Variants in TANC1 observed in about 807,000 individuals in gnomAD.
TANC1 encodes protein TANC1.
TANC1 carries 77 observed loss-of-function variants against 149.7 expected under a neutral mutation model. The observed-to-expected ratio is 0.51, with a 90% CI of 0.43 to 0.62. The LOEUF (loss-of-function observed/expected upper bound fraction) is 0.62. TANC1 is among the 20% of genes least tolerant of loss of function. TANC1 has a pLI of 0.00. For missense variants in TANC1, 1,985 were observed against 2,321.8 expected (o/e 0.85, Z 2.98); for synonymous variants, 854 against 925.0 (o/e 0.92, Z 1.39).
chr2:159,210,862 T>C (rs1187529950), intron 19 of TANC1, among the ~76,000 whole-genome samples: 13 of 136,710 alleles, frequency 9.5e-5, no homozygotes, highest in African/African-American at 3.6e-4. Context: ...TGAGCCACCA[T>C]GCCTGATCTT....
intron 2 of TANC1, among the ~76,000 whole-genome samples, chr2:159,034,960 C>A (rs1196576628): frequency 6.6e-6 from 1 of 152,118 alleles, no homozygotes; most frequent in Non-Finnish European, 1.5e-5. Flanking sequence ...GCTGCAGAAC[C>A]CTTTACAGCT....
Position 159,176,438 on chromosome 2 carries a change from C to T in TANC1, c.1822C>T (p.Leu608Phe), listed in dbSNP as rs1417396843. The change falls in exon 13 of 27, where the codon CTT (leucine) becomes TTT (phenylalanine). Residue 608 changes from leucine to phenylalanine, a missense_variant. Physicochemically the swap from Leu to Phe is conservative, Grantham distance 22 (BLOSUM62 0). Transcript: ENST00000263635. ...EFHKPDYGDT[L>F]SSFITKIISK... ...TCATAAACCTGATTATGGAGATACG[C>T]TTTCTTCATTTATTACCAAAATTAT... The T allele has an allele frequency of 3.1e-6, 5 of 1,594,498 alleles. No individual in the cohort carries two copies. The highest frequency in any genetic ancestry group is 4.3e-6 in the Non-Finnish European group (5 of 1,168,844).
rs115774948 is a variant in TANC1 at position 159,127,920 on chromosome 2, A to G, written c.260-8274A>G. On this transcript the variant is annotated intron_variant, in intron 4 of 26. Coordinates refer to ENST00000263635, the MANE Select transcript of TANC1 (RefSeq NM_033394.3). The stretch of plus-strand genomic sequence containing the variant: ...GTTTGATATACTGTTTTCCTACCAG[A>G]TTGTGAACATTTACATCCTCACAAT... Among the ~76,000 whole-genome samples the G allele has an allele frequency of 1.9e-3, 291 of 152,378 alleles. 1 individual carries two copies. Among genetic ancestry groups the G allele is most frequent in the African/African-American group, 6.5e-3 (269 of 41,588 alleles).
intron 3 of TANC1, among the ~76,000 whole-genome samples, chr2:159,096,150 T>TGA (rs2046103578): frequency 6.6e-6 from 1 of 152,152 alleles, no homozygotes; most frequent in African/African-American, 2.4e-5. Flanking sequence ...GAAGATGCTT[T>TGA]TTAAGAAGCA....
intron 13 of TANC1, among the ~76,000 whole-genome samples, chr2:159,177,811 G>T (rs1197170029): frequency 6.6e-6 from 1 of 152,220 alleles, no homozygotes; most frequent in African/African-American, 2.4e-5. Context: ...TCTTTGGAAT[G>T]GGGAAGAGAT....
intron 2 of TANC1, among the ~76,000 whole-genome samples, chr2:159,012,168 A>G (rs746455429): frequency 4.6e-5 from 7 of 152,216 alleles, no homozygotes; most frequent in Non-Finnish European, 1.0e-4. Context: ...CATCATTCAG[A>G]ATAAATTATT....
intron 4 of TANC1, among the ~76,000 whole-genome samples, chr2:159,110,037 C>G (rs1475621475): frequency 1.3e-5 from 2 of 152,208 alleles, no homozygotes; most frequent in Middle Eastern, 3.2e-3. Context: ...GTTTTGCTGT[C>G]ATACCTCAAA....
At chr2:159,007,463 T>C (rs1219160830) in intron 2 of TANC1, among the ~76,000 whole-genome samples, 1 of 152,186 alleles carries the variant, frequency 6.6e-6, no homozygotes, top group South Asian at 2.1e-4. Flanking sequence ...GTGTTTTTAC[T>C]GTCCCCTTTC....
intron 4 of TANC1, among the ~76,000 whole-genome samples, chr2:159,102,854 G>C (rs1329149742): frequency 3.2e-5 from 3 of 93,610 alleles, no homozygotes; most frequent in African/African-American, 3.2e-5. Flanking sequence ...GAGTAGCTGG[G>C]ACTACAGGCA....
At chr2:159,039,651 T>C (rs1268579730) in intron 2 of TANC1, among the ~76,000 whole-genome samples, 1 of 152,246 alleles carries the variant, frequency 6.6e-6, no homozygotes, top group Non-Finnish European at 1.5e-5. Context: ...TTCCATGTAG[T>C]TGTGCAGTTT....
chr2:159,201,523 C>T (rs2058248930), intron 19 of TANC1, among the ~76,000 whole-genome samples: 1 of 152,170 alleles, frequency 6.6e-6, no homozygotes, highest in Non-Finnish European at 1.5e-5. Context: ...TGCATTGTTG[C>T]TCGTTGCTAT....
chr2:159,178,895 C>A lies in TANC1; in HGVS notation c.2242C>A (p.Gln748Lys). The A allele has an allele frequency of 1.2e-6, 2 of 1,614,230 alleles. No homozygotes were observed. Among genetic ancestry groups the A allele is most frequent in the African/African-American group, 1.3e-5 (1 of 75,058 alleles). ...LLQCNMKFMT[Q>K]SAFERALPIL... is the part of the protein sequence containing the mutation. ...TCAGTGCAACATGAAGTTCATGACC[C>A]AGTCCGCCTTTGAGAGGGCACTTCC... Residue 748 changes from glutamine to lysine, a missense_variant, in exon 14 of 27, where the codon CAG becomes AAG. Physicochemically the swap from Gln to Lys is moderately conservative, Grantham distance 53 (BLOSUM62 1). Coordinates refer to ENST00000263635, the MANE Select transcript of TANC1 (RefSeq NM_033394.3).
intron 1 of TANC1, among the ~76,000 whole-genome samples, chr2:158,973,421 C>G (rs901161866): frequency 6.6e-6 from 1 of 152,086 alleles, no homozygotes; most frequent in Non-Finnish European, 1.5e-5. Flanking sequence ...TGCATGTATA[C>G]CCATGCAAAA....
chr2:159,137,659 C>T (rs1418251972), intron 5 of TANC1, among the ~76,000 whole-genome samples: 4 of 152,136 alleles, frequency 2.6e-5, no homozygotes, highest in African/African-American at 4.8e-5. Context: ...TCTCTCTCCT[C>T]GGTGTCCTGA....
In TANC1 at chr2:159,217,609, A is replaced by G. The variant is rs751700257; in HGVS notation, c.3357A>G (p.Ala1119=). 99 of 1,614,084 alleles carry G rather than the reference A, an allele frequency of 6.1e-5. No individual in the cohort carries two copies. The South Asian group carries it at 1.0e-3, about 16-fold the overall frequency. The change falls in exon 20 of 27, where the codon GCA becomes GCG. Residue 1119 remains alanine (A), a synonymous_variant. Transcript: ENST00000263635. ...NRRGVPPLFC[A]ARQGHWQIVR... ...GAGGGGTTCCACCTTTGTTTTGTGCAGCACGCCAGGGGCATTGGCAGGTAC... is the reference window on the plus strand; with the variant it reads ...GAGGGGTTCCACCTTTGTTTTGTGCGGCACGCCAGGGGCATTGGCAGGTAC...
At chr2:159,228,330 T>C (rs1043754726) in intron 25 of TANC1, 1 of 279,364 alleles carries the variant, frequency 3.6e-6, no homozygotes, top group Non-Finnish European at 6.7e-6. Flanking sequence ...CTGTGTTAGG[T>C]TTGCTCAGAG....
intron 2 of TANC1, among the ~76,000 whole-genome samples, chr2:159,017,158 CAG>C (rs951996601): frequency 6.6e-5 from 10 of 152,082 alleles, no homozygotes; most frequent in Admixed American, 2.0e-4. Flanking sequence ...GGCGCCCTAA[CAG>C]GGGAAAATGA....
At chr2:159,188,623 G>A (rs1309611693) in intron 16 of TANC1, among the ~76,000 whole-genome samples, 2 of 152,248 alleles carry the variant, frequency 1.3e-5, no homozygotes, top group African/African-American at 2.4e-5. Flanking sequence ...ACTTCCCTTG[G>A]CCGGGAGATC....
chr2:159,037,240 C>G (rs2040263299), intron 2 of TANC1, among the ~76,000 whole-genome samples: 1 of 152,084 alleles, frequency 6.6e-6, no homozygotes, highest in South Asian at 2.1e-4. Context: ...TGCTTAAGTT[C>G]TTTGTAGATT....
Sources: allele counts gnomAD v4.1 joint callset (sites outside exome capture counted in the v4.1 genomes callset), GRCh38; gene constraint gnomAD v4.1.1; transcripts MANE v1.5; gene names NCBI Gene and HGNC (gene_info 2026-07-23, HGNC 2026-07-21).